Variants in KCTD19 observed in about 807,000 individuals in gnomAD.
KCTD19 encodes BTB/POZ domain-containing protein KCTD19.
KCTD19 carries 67 observed loss-of-function variants against 103.5 expected under a neutral mutation model. The observed-to-expected ratio is 0.65, with a 90% CI of 0.53 to 0.79. The LOEUF (loss-of-function observed/expected upper bound fraction) is 0.79. Among genes scored for constraint, KCTD19 ranks in the 30% least tolerant of loss-of-function variants. The pLI is 0.00. For synonymous variants in KCTD19, 439 were observed against 452.2 expected, an observed-to-expected ratio of 0.97 and a Z score of 0.37; for missense variants, 980 against 1,136.1, an observed-to-expected ratio of 0.86 and a Z score of 1.98.
intron 2 of KCTD19, among the ~76,000 whole-genome samples, chr16:67,308,095 G>A (rs544267767): frequency 6.8e-4 from 103 of 151,436 alleles, no homozygotes; most frequent in South Asian, 1.7e-3. Context: ...CCTTTTGGAG[G>A]TCATATCCTA....
chr16:67,293,970 G>A lies in KCTD19; in HGVS notation c.1792C>T (p.Pro598Ser). The A allele has an allele frequency of 1.9e-6, 3 of 1,614,162 alleles. No individual in the cohort carries two copies. Among genetic ancestry groups the A allele is most frequent in the Non-Finnish European group, 2.5e-6 (3 of 1,180,042 alleles). Residue 598 changes from proline (P) to serine (S), a missense_variant, in exon 12 of 16, where the codon CCT becomes TCT. Coordinates refer to ENST00000304372, the MANE Select transcript of KCTD19 (RefSeq NM_001100915.3). This position sits in a 1 kb window ranked among gnomAD's most constrained non-coding sequence, Gnocchi z 4.0. Reference sequence around the variant, plus strand: ...TCAGGGTGGCTCCCCCAGTGTCCAGGATTGGTACACAAGCCACGGCAGTGT... The same window carrying A: ...TCAGGGTGGCTCCCCCAGTGTCCAGAATTGGTACACAAGCCACGGCAGTGT... Reference protein sequence around the residue: ...YSHCRGLCTNPGHWGSHPESP... With the variant: ...YSHCRGLCTNSGHWGSHPESP...
chr16:67,296,255 C>T lies in KCTD19; in HGVS notation c.1152G>A (p.Glu384=), dbSNP rs368876847. The change falls in exon 8 of 16, where the codon GAG becomes GAA. Residue 384 remains glutamate, a synonymous_variant. Coordinates refer to ENST00000304372, the MANE Select transcript of KCTD19 (RefSeq NM_001100915.3). ...RTLAPMDVLN[E]WTAEITVYSP... is the part of the protein sequence containing the mutation. The stretch of plus-strand genomic sequence containing the variant: ...AATACACAGTGATCTCTGCCGTCCA[C>T]TCATCTATGGGAATCCAGGAGATAG... 3.5e-5 allele frequency: 57 copies of T among 1,606,390 alleles called. No individual in the cohort carries two copies. The highest frequency in any genetic ancestry group is 4.5e-5 in the Non-Finnish European group (53 of 1,172,980).
At chr16:67,298,055 G>A (rs1412112277) in intron 6 of KCTD19, among the ~76,000 whole-genome samples, 3 of 149,626 alleles carry the variant, frequency 2.0e-5, no homozygotes, top group Admixed American at 6.7e-5. Context: ...GTGCAGTGGC[G>A]CGATCTCGGC....
Position 67,299,569 on chromosome 16 carries a change from G to C in KCTD19, c.780C>G (p.Gly260=). Residue 260 remains glycine (G), a synonymous_variant, in exon 6 of 16, where the codon GGC becomes GGG. Coordinates refer to ENST00000304372, the MANE Select transcript of KCTD19 (RefSeq NM_001100915.3). The part of the protein sequence containing the change: ...AVRWYRMNMG[G]CSPTTCSPLS... ...GGGGAGAACAGGTGGTCGGGGAACA[G>C]CCACCTGTGTCAGAGAGAAAGGGGT... is the stretch of plus-strand genomic sequence containing the variant. 1 of 1,610,832 alleles carries C rather than the reference G, an allele frequency of 6.2e-7. No individual in the cohort carries two copies. The highest frequency in any genetic ancestry group is 8.5e-7 in the Non-Finnish European group (1 of 1,179,452).
intron 4 of KCTD19, chr16:67,302,876 C>T (rs1159494687): frequency 2.2e-6 from 1 of 455,380 alleles, no homozygotes; most frequent in African/African-American, 2.0e-5. Context: ...ACACCAACTC[C>T]TGTGGTCCCT....
chr16:67,305,540 A>C (rs753918778), intron 2 of KCTD19: 16 of 450,230 alleles, frequency 3.6e-5, no homozygotes, highest in Middle Eastern at 3.9e-4. Flanking sequence ...GAGCACCCCA[A>C]CTAGGCAAGC....
chr16:67,320,604 C>T lies in KCTD19; in HGVS notation c.285G>A (p.Leu95=). ...LLYEQALGLQ[L]MPLLQTLDNL... ...AGCATCTTACCTGCAGCAAAGGCAT[C>T]AGCTGCAAACCCAATGCTTGCTCAT... Residue 95 remains leucine, a synonymous_variant, in exon 2 of 16, where the codon CTG becomes CTA. Coordinates refer to ENST00000304372, the MANE Select transcript of KCTD19 (RefSeq NM_001100915.3). This position sits in a 1 kb window ranked among gnomAD's most constrained non-coding sequence, Gnocchi z 4.0. The T allele has an allele frequency of 1.9e-6, 3 of 1,613,826 alleles. No individual in the cohort carries two copies. The highest frequency in any genetic ancestry group is 2.5e-6 in the Non-Finnish European group (3 of 1,179,736).
chr16:67,294,226 C>T, intron 11 of KCTD19, 55 bp from the exon 12 acceptor site: 2 of 1,529,998 alleles, frequency 1.3e-6, no homozygotes. Context: ...ACATCAACGC[C>T]TTGCCCAAGA....
Position 67,291,648 on chromosome 16 carries a change from TG to T in KCTD19, c.2407del (p.Gln803LysfsTer3), listed in dbSNP as rs2036697593. 6.2e-7 allele frequency: 1 copy of T among 1,612,788 alleles called. No homozygotes were observed. The highest frequency in any genetic ancestry group is 1.7e-5 in the Admixed American group (1 of 59,906). Reference protein sequence around the residue: ...HTTPTASPQPQEVTFLSFSLS... With the variant: ...HTTPTASPQPXEVTFLSFSLS... Reference sequence around the variant, plus strand: ...TCGGCCTGGCTCCAGAGCCTCACCTTGGGGCTGGGGACTGGCTGTGGGTGTT... The same window carrying T: ...TCGGCCTGGCTCCAGAGCCTCACCTTGGGCTGGGGACTGGCTGTGGGTGTT... On this transcript the variant is annotated frameshift_variant, in exon 13 of 16. Transcript: ENST00000304372. LOFTEE classifies it high-confidence loss of function.
chr16:67,295,917 G>GTA, intron 8 of KCTD19: 1 of 454,756 alleles, frequency 2.2e-6, no homozygotes, highest in African/African-American at 2.0e-5. Context: ...GCTAATTTTT[G>GTA]TATTTTTAGT....
intron 2 of KCTD19, among the ~76,000 whole-genome samples, chr16:67,318,758 C>A (rs1597400530): frequency 6.6e-6 from 1 of 152,042 alleles, no homozygotes. Flanking sequence ...CAAAATGATG[C>A]CTTGGCGTAG....
chr16:67,303,108 C>CTGGGGGGGGGGGGGG lies in KCTD19; in HGVS notation c.643+37_643+38insCCCCCCCCCCCCCCA. ...ATGGGGAGGGGTGAATGGGCCCTAT[C>CTGGGGGGGGGGGGGG]AGCCCGCCCCCCACCCCACCCCGGA... is the stretch of plus-strand genomic sequence containing the variant. On this transcript the variant is annotated intron_variant, in intron 4 of 15. Transcript: ENST00000304372. This position sits in a 1 kb window ranked among gnomAD's most constrained non-coding sequence, Gnocchi z 4.3. The CTGGGGGGGGGGGGGG allele has an allele frequency of 2.5e-6, 2 of 798,078 alleles. No homozygotes were observed. Among genetic ancestry groups the CTGGGGGGGGGGGGGG allele is most frequent in the Non-Finnish European group, 2.1e-6 (1 of 476,660 alleles). The allele number at this position is 798,078 out of a possible 1,614,324, so 49.4% of individuals were successfully genotyped here. A position where few individuals can be genotyped will look rare whatever the true frequency, so the allele number is the denominator to read the frequency against.
chr16:67,325,182 CTTTT>C (rs1215763795), intron 1 of KCTD19, among the ~76,000 whole-genome samples: 2 of 146,034 alleles, frequency 1.4e-5, no homozygotes, highest in African/African-American at 5.3e-5. Flanking sequence ...TTCTTTCTTT[CTTTT>C]TTTTCTTTTT....
At chr16:67,289,755 C>T in intron 15 of KCTD19, 73 bp from the exon 16 acceptor site, 1 of 1,153,050 alleles carries the variant, frequency 8.7e-7, no homozygotes, top group Non-Finnish European at 1.3e-6. Context: ...GGGTGGGGTT[C>T]TCCCATTGGG....
Position 67,294,027 on chromosome 16 carries a change from C to G in KCTD19, c.1735G>C (p.Ala579Pro), listed in dbSNP as rs1018639461. The change falls in exon 12 of 16, where the codon GCC becomes CCC. Residue 579 changes from alanine (A) to proline (P), a missense_variant. Coordinates refer to ENST00000304372, the MANE Select transcript of KCTD19 (RefSeq NM_001100915.3). ...RPIQVSLCRN[A>P]KRAGNPSTYS... ...GTGCTAGGGTTGCCAGCCCTCTTGG[C>G]ATTTCGGCATAGGGACACCTGGATG... 6.2e-7 allele frequency: 1 copy of G among 1,614,066 alleles called. No individual in the cohort carries two copies. Among genetic ancestry groups the G allele is most frequent in the African/African-American group, 1.3e-5 (1 of 74,918 alleles).
chr16:67,295,694 A>C, intron 8 of KCTD19: 2 of 349,744 alleles, frequency 5.7e-6, no homozygotes, highest in Non-Finnish European at 1.1e-5. Flanking sequence ...CCCCCTCCCT[A>C]TGCAAACTCT....
At chr16:67,310,892 A>G (rs1195400470) in intron 2 of KCTD19, among the ~76,000 whole-genome samples, 1 of 152,216 alleles carries the variant, frequency 6.6e-6, no homozygotes, top group Non-Finnish European at 1.5e-5. Flanking sequence ...TTAAGGCTCA[A>G]GGAAAGCAAG....
rs1597392980 is a variant in KCTD19 at position 67,295,168 on chromosome 16, C to T, written c.1391+95G>A. ...AGTTCCCACGATGGAAATAAAATAA[C>T]CTCCTCCCTGAAGGCTGCAACTCAG... On this transcript the variant is annotated intron_variant, in intron 9 of 15. Coordinates refer to ENST00000304372, the MANE Select transcript of KCTD19 (RefSeq NM_001100915.3). The T allele has an allele frequency of 2.5e-6, 4 of 1,571,442 alleles. No individual in the cohort carries two copies. The South Asian group carries it at 4.5e-5, about 18-fold the overall frequency.
At chr16:67,324,841 T>C (rs2037112509) in intron 1 of KCTD19, among the ~76,000 whole-genome samples, 1 of 152,176 alleles carries the variant, frequency 6.6e-6, no homozygotes, top group African/African-American at 2.4e-5. Flanking sequence ...AAGAGAAATA[T>C]GACAAATTGT....
Sources: gnomAD v4.1 joint callset for allele counts (sites outside exome capture counted in the v4.1 genomes callset) on GRCh38, gnomAD v4.1.1 for gene constraint, Gnocchi (gnomAD v3.1) non-coding constraint, MANE v1.5 for transcripts, NCBI Gene and HGNC (gene_info 2026-07-23, HGNC 2026-07-21) for gene names.